The following PAIP1 variants were observed in gnomAD, a reference collection of about 807,000 sequenced individuals.
The protein encoded by PAIP1 is poly(A) binding protein interacting protein 1.
A neutral mutation model predicts 61.3 loss-of-function variants in PAIP1; 16 were observed. That is an observed-to-expected ratio of 0.26 (90% confidence interval 0.18 to 0.40). The LOEUF is 0.40. PAIP1 is among the 10% of genes least tolerant of loss of function. The pLI is 1.00. For synonymous variants in PAIP1, 187 were observed against 226.2 expected (o/e 0.83, Z 1.56); for missense variants, 416 against 600.9 (o/e 0.69, Z 3.22).
intron 2 of PAIP1, among the ~76,000 whole-genome samples, chr5:43,552,921 A>G (rs1162044976): frequency 1.3e-5 from 2 of 152,206 alleles, no homozygotes; most frequent in Non-Finnish European, 2.9e-5. Context: ...AATAGTATCA[A>G]TACAATTAGG....
chr5:43,556,584 G>A lies in PAIP1; in HGVS notation c.263C>T (p.Pro88Leu). The part of the protein sequence containing the change: ...PQRPSRPGAL[P>L]EQTRPLRAPP... ...GGGCCCTTAGAGCTGCTCCGTACCT[G>A]GGAGCGCCCCGGGCCGGGAAGGCCG... is the stretch of plus-strand genomic sequence containing the variant. The change falls in exon 1 of 11, where the codon CCA (proline) becomes CTA (leucine). Residue 88 changes from proline (P) to leucine (L), a missense_variant and splice_region_variant. This residue lies in a region of PAIP1 where 180 missense variants were observed against 211.2 expected (regional missense o/e 0.85). Coordinates refer to ENST00000306846, the MANE Select transcript of PAIP1 (RefSeq NM_006451.5). 8.0e-7 allele frequency: 1 copy of A among 1,252,462 alleles called. No homozygotes were observed. The highest frequency in any genetic ancestry group is 1.0e-6 in the Non-Finnish European group (1 of 993,986). 77.6% of individuals were successfully genotyped at this position (1,252,462 alleles called of 1,614,324 possible).
Position 43,542,986 on chromosome 5 carries a change from T to C in PAIP1, c.734+18A>G, listed in dbSNP as rs1454728108. 1 of 1,297,918 alleles carries C rather than the reference T, an allele frequency of 7.7e-7. No homozygotes were observed. Among genetic ancestry groups the C allele is most frequent in the Admixed American group, 1.7e-5 (1 of 58,680 alleles). 80.4% of individuals were successfully genotyped at this position (1,297,918 alleles called of 1,614,324 possible). ...ATATTTAGAAGTAGTTTTCCTTTAA[T>C]TTCACATTTACACTGACCTTTGAAG... On this transcript the variant is annotated intron_variant, in intron 4 of 10. Transcript: ENST00000306846.
chr5:43,537,215 A>G (rs1747189805), intron 5 of PAIP1, among the ~76,000 whole-genome samples: 1 of 152,176 alleles, frequency 6.6e-6, no homozygotes. Context: ...AGCTTTCTTT[A>G]GTTTGTTCAA....
rs533250680 is a variant in PAIP1, at chr5:43,539,511, ATTG to A, written c.735-479_735-477del. On this transcript the variant is annotated intron_variant, in intron 4 of 10. Transcript: ENST00000306846. ...CAACCTCCAACTGAAAATAAAATGA[ATTG>A]TTTTTAAGTCCATTATTCTTGTAAT... 4.7e-3 allele frequency among the ~76,000 whole-genome samples: 709 copies of A among 151,662 alleles called. 5 individuals carry two copies. Among genetic ancestry groups the A allele is most frequent in the African/African-American group, 0.015 (637 of 41,354 alleles).
chr5:43,550,837 C>CAAAAAAAAA (rs373730839), intron 2 of PAIP1, among the ~76,000 whole-genome samples: 28 of 49,566 alleles, frequency 5.6e-4, no homozygotes, highest in South Asian at 2.0e-3. Context: ...AAATATACTA[C>CAAAAAAAAA]AAAAAAAAAA....
chr5:43,531,655 T>C (rs1199619577), intron 9 of PAIP1, among the ~76,000 whole-genome samples: 10 of 7,946 alleles, frequency 1.3e-3, no homozygotes, highest in Non-Finnish European at 3.3e-3. Flanking sequence ...AGACTCTGTC[T>C]CAAAAAAAAA....
At position 43,538,969 on chromosome 5, in the gene PAIP1, A is replaced by G; in HGVS notation, c.801T>C (p.Phe267=). ...AKGDEVTRKR[F]HAFVLFLGEL... is the part of the protein sequence containing the mutation. Reference sequence around the variant, plus strand: ...CTCCCAGAAAGAGTACAAATGCATGAAATCGTTTTCGAGTAACTTCATCCC... The same window carrying G: ...CTCCCAGAAAGAGTACAAATGCATGGAATCGTTTTCGAGTAACTTCATCCC... The change falls in exon 5 of 11, where the codon TTT becomes TTC. Residue 267 remains phenylalanine, a synonymous_variant. Coordinates refer to ENST00000306846, the MANE Select transcript of PAIP1 (RefSeq NM_006451.5). The G allele has an allele frequency of 6.2e-7, 1 of 1,611,670 alleles. No homozygotes were observed. Among genetic ancestry groups the G allele is most frequent in the Non-Finnish European group, 8.5e-7 (1 of 1,178,928 alleles).
At chr5:43,550,822 A>G (rs1403823569) in intron 2 of PAIP1, among the ~76,000 whole-genome samples, 1 of 125,506 alleles carries the variant, frequency 8.0e-6, no homozygotes, top group Non-Finnish European at 1.6e-5. Context: ...CACATTCAGA[A>G]GTTGAAATAT....
chr5:43,533,594 T>C (rs765019297), intron 9 of PAIP1, 144 bp downstream of exon 9: 35 of 697,472 alleles, frequency 5.0e-5, no homozygotes, highest in Non-Finnish European at 8.4e-5. Flanking sequence ...GCATTCTATA[T>C]TAGACAAACC....
At position 43,556,630 on chromosome 5, in the gene PAIP1, C is replaced by T. The variant is rs1748095364; in HGVS notation, c.217G>A (p.Glu73Lys). 3 of 1,261,740 alleles carry T rather than the reference C, an allele frequency of 2.4e-6. No individual in the cohort carries two copies. In the South Asian group the frequency reaches 1.0e-4, roughly 42 times the overall value. The allele number at this position is 1,261,740 out of a possible 1,614,324, so 78.2% of individuals were successfully genotyped here. ...RTTPPPGAQCEVPASPQRPSR... is the reference protein window; with the variant it reads ...RTTPPPGAQCKVPASPQRPSR... ...GGCCGCTGGGGGCTGGCGGGGACCT[C>T]GCACTGGGCCCCTGGCGGCGGGGTC... Residue 73 changes from glutamate to lysine, a missense_variant, in exon 1 of 11, where the codon GAG (glutamate) becomes AAG (lysine). Around this residue, in one of 4 missense-constraint regions of PAIP1, gnomAD observed 180 missense variants for 211.2 expected, o/e 0.85. Transcript: ENST00000306846.
At chr5:43,543,257 G>A (rs1747486902) in intron 3 of PAIP1, 141 bp from the exon 4 acceptor site, 3 of 325,328 alleles carry the variant, frequency 9.2e-6, no homozygotes, top group South Asian at 2.1e-4. Context: ...TTAGGCTTAA[G>A]GAAATTAAAT....
intron 4 of PAIP1, among the ~76,000 whole-genome samples, chr5:43,539,421 T>TA (rs1196510342): frequency 2.0e-5 from 3 of 151,348 alleles, no homozygotes; most frequent in Non-Finnish European, 4.4e-5. Flanking sequence ...ATTTTTTTTT[T>TA]AATACTACAA....
intron 4 of PAIP1, among the ~76,000 whole-genome samples, chr5:43,541,288 CTT>C (rs777778938): frequency 7.9e-5 from 2 of 25,212 alleles, no homozygotes; most frequent in African/African-American, 1.9e-4. Context: ...CCACGCCCAG[CTT>C]TTTTTTTTTT....
chr5:43,539,226 C>T (rs1747290258), intron 4 of PAIP1, among the ~76,000 whole-genome samples, 191 bp from the exon 5 acceptor site: 1 of 151,792 alleles, frequency 6.6e-6, no homozygotes, highest in African/African-American at 2.4e-5. Flanking sequence ...CATACTAAGT[C>T]TCCCAGTTTG....
chr5:43,547,273 C>G (rs1350685182), intron 3 of PAIP1, among the ~76,000 whole-genome samples: 1 of 151,854 alleles, frequency 6.6e-6, no homozygotes, highest in South Asian at 2.1e-4. Context: ...ATGAGGCAAG[C>G]AAATTCTCTC....
At chr5:43,545,624 C>T (rs1342671912) in intron 3 of PAIP1, among the ~76,000 whole-genome samples, 1 of 152,182 alleles carries the variant, frequency 6.6e-6, no homozygotes, top group Non-Finnish European at 1.5e-5. Context: ...AAATCAGGTA[C>T]CACTCACCCA....
At chr5:43,538,515 G>A (rs987100393) in intron 5 of PAIP1, among the ~76,000 whole-genome samples, 3 of 152,086 alleles carry the variant, frequency 2.0e-5, no homozygotes, top group African/African-American at 7.2e-5. Flanking sequence ...GAAAAGCCTA[G>A]AGAGACTCTA....
chr5:43,552,768 G>A (rs1747913624), intron 2 of PAIP1, among the ~76,000 whole-genome samples: 1 of 152,218 alleles, frequency 6.6e-6, no homozygotes, highest in Non-Finnish European at 1.5e-5. Flanking sequence ...GGGAGCTTCT[G>A]ATAGACTAAA....
At chr5:43,556,145 G>T in intron 1 of PAIP1, 146 bp from the exon 2 acceptor site, 1 of 1,417,486 alleles carries the variant, frequency 7.1e-7, no homozygotes, top group Non-Finnish European at 9.3e-7. Context: ...GCCGGAATGT[G>T]TACAGACAGC....
Sources: gnomAD v4.1 joint callset for allele counts (sites outside exome capture counted in the v4.1 genomes callset) on GRCh38, gnomAD v4.1.1 for gene constraint, gnomAD v4.1.1 regional missense constraint, MANE v1.5 for transcripts, NCBI Gene and HGNC (gene_info 2026-07-23, HGNC 2026-07-21) for gene names.